The following CFAP161 variants were observed in gnomAD, a reference collection of about 807,000 sequenced individuals.
CFAP161 encodes cilia and flagella associated protein 161.
A neutral mutation model predicts 29.0 loss-of-function variants in CFAP161; 25 were observed. The observed-to-expected ratio is 0.86, with a 90% CI of 0.63 to 1.20. The LOEUF is 1.20. Ranked by LOEUF, CFAP161 falls within the 50% of genes most tolerant of loss-of-function variation. CFAP161 has a pLI of 0.00. For missense variants in CFAP161, 367 were observed against 371.9 expected (o/e 0.99, Z 0.11); for synonymous variants, 116 against 137.4 (o/e 0.84, Z 1.09).
rs568003648 is a variant in CFAP161, at chr15:81,123,096, A to C, written c.-141-4494A>C. On this transcript the variant is annotated intron_variant, in intron 1 of 4. Coordinates refer to the CFAP161 transcript ENST00000560091. ...TGTTGCAATTGCTTTTGGCATCTTCATCATGAAATCTTTGCCCATGCCAAT... is the reference window on the plus strand; with the variant it reads ...TGTTGCAATTGCTTTTGGCATCTTCCTCATGAAATCTTTGCCCATGCCAAT... 2.6e-5 allele frequency among the ~76,000 whole-genome samples: 4 copies of C among 152,220 alleles called. No homozygotes were observed. In the East Asian group the frequency reaches 7.7e-4, roughly 29 times the overall value.
intron 5 of CFAP161, among the ~76,000 whole-genome samples, chr15:81,145,354 G>T (rs1285463217): frequency 6.6e-6 from 1 of 152,196 alleles, no homozygotes; most frequent in Non-Finnish European, 1.5e-5. Flanking sequence ...TAAACTGCCA[G>T]TGCCTCAGTT....
intron 2 of CFAP161, 81 bp from the exon 3 acceptor site, chr15:81,136,435 C>A: frequency 7.9e-7 from 1 of 1,263,910 alleles, no homozygotes; most frequent in Non-Finnish European, 1.1e-6. Context: ...GGGTACTAGT[C>A]CGAGAAGGAA....
Position 81,142,263 on chromosome 15 carries a change from TC to T in CFAP161, c.478-1398del, listed in dbSNP as rs982441690. ...ACTAGACAGGGTGCTGCCAGGTTGATCTTTTTTTTTTAATTTTCATTTTAAT... is the reference window on the plus strand; with the variant it reads ...ACTAGACAGGGTGCTGCCAGGTTGATTTTTTTTTTTAATTTTCATTTTAAT... On this transcript the variant is annotated intron_variant, in intron 4 of 6. Transcript: ENST00000286732. Among the ~76,000 whole-genome samples the T allele has an allele frequency of 4.2e-4, 64 of 151,690 alleles. 2 individuals are homozygous for T. Among genetic ancestry groups the T allele is most frequent in the Admixed American group, 4.1e-3 (63 of 15,190 alleles).
rs12050841 is a variant in CFAP161, at chr15:81,142,283, T to C, written c.478-1379T>C. Among the ~76,000 whole-genome samples, 45 of 152,054 alleles carry C rather than the reference T, an allele frequency of 3.0e-4. No homozygotes were observed. In the East Asian group the frequency reaches 8.1e-3, roughly 27 times the overall value. ...GTTGATCTTTTTTTTTTAATTTTCA[T>C]TTTAATTTTTAAAATTTATTATTAT... On this transcript the variant is annotated intron_variant, in intron 4 of 6. Coordinates refer to ENST00000286732, the MANE Select transcript of CFAP161 (RefSeq NM_173528.4).
chr15:81,115,815 G>C (rs1040022054), intron 1 of CFAP161, among the ~76,000 whole-genome samples: 21 of 151,372 alleles, frequency 1.4e-4, no homozygotes, highest in Admixed American at 1.3e-3. Flanking sequence ...AAGTAGCTGG[G>C]ACTACAGCAG....
At chr15:81,143,940 C>A (rs946467496) in intron 5 of CFAP161, 120 bp downstream of exon 5, 66 of 1,124,678 alleles carry the variant, frequency 5.9e-5, no homozygotes, top group Non-Finnish European at 7.8e-5. Flanking sequence ...TCTTTTCTGT[C>A]TTTTTTTTTC....
chr15:81,125,977 C>T (rs1276001472), intron 1 of CFAP161, among the ~76,000 whole-genome samples: 2 of 152,164 alleles, frequency 1.3e-5, no homozygotes, highest in African/African-American at 2.4e-5. Context: ...TCAAGTGATT[C>T]TCTTGCCTCA....
intron 1 of CFAP161, among the ~76,000 whole-genome samples, chr15:81,122,484 TTTC>T: frequency 7.6e-6 from 1 of 131,704 alleles, no homozygotes; most frequent in South Asian, 2.4e-4. Flanking sequence ...TTTTTTTTTC[TTTC>T]TTTCTTTCTT....
intron 1 of CFAP161, among the ~76,000 whole-genome samples, chr15:81,107,305 G>T (rs1475449860): frequency 6.6e-6 from 1 of 152,194 alleles, no homozygotes; most frequent in East Asian, 1.9e-4. Context: ...CGTGAGTGAG[G>T]TTATTTCTCC....
intron 5 of CFAP161, among the ~76,000 whole-genome samples, chr15:81,146,559 C>A (rs114323943): frequency 6.6e-6 from 1 of 151,668 alleles, no homozygotes; most frequent in Admixed American, 6.6e-5. Flanking sequence ...TGTATTTCAT[C>A]CATCCATTAT....
chr15:81,107,075 A>T (rs917056167), intron 1 of CFAP161, among the ~76,000 whole-genome samples: 1 of 152,170 alleles, frequency 6.6e-6, no homozygotes, highest in East Asian at 1.9e-4. Flanking sequence ...ACCAACCAAA[A>T]CAAAAAACAA....
chr15:81,132,150 G>A (rs1197087437), upstream of CFAP161, among the ~76,000 whole-genome samples: 1 of 152,116 alleles, frequency 6.6e-6, no homozygotes, highest in Non-Finnish European at 1.5e-5. Flanking sequence ...GGTGGCACAT[G>A]CCTTTAGCCC....
chr15:81,104,844 A>C (rs1376354996), intron 1 of CFAP161, among the ~76,000 whole-genome samples: 1 of 152,160 alleles, frequency 6.6e-6, no homozygotes, highest in African/African-American at 2.4e-5. Context: ...TGCTATTTAT[A>C]TGGCATGTTG....
At chr15:81,147,954 A>C (rs1001788958) in intron 6 of CFAP161, 23 bp downstream of exon 6, 6 of 1,577,286 alleles carry the variant, frequency 3.8e-6, no homozygotes, top group Admixed American at 3.5e-5. Flanking sequence ...AGGGTACAAC[A>C]AAATGCTGTG....
intron 1 of CFAP161, among the ~76,000 whole-genome samples, chr15:81,109,741 T>G (rs1287174808): frequency 1.3e-5 from 2 of 152,182 alleles, no homozygotes; most frequent in African/African-American, 4.8e-5. Context: ...GAGATGTCTA[T>G]GATGTTGGTT....
At chr15:81,118,474 C>T in intron 1 of CFAP161, 1 of 182,712 alleles carries the variant, frequency 5.5e-6, no homozygotes, top group Non-Finnish European at 1.1e-5. Flanking sequence ...GCTTGTGGGA[C>T]CGGAGCGGGG....
At chr15:81,100,106 A>T (rs2141857189) in intron 1 of CFAP161, among the ~76,000 whole-genome samples, 3 of 151,610 alleles carry the variant, frequency 2.0e-5, no homozygotes, top group Middle Eastern at 6.8e-3. Context: ...AACTTCTTCC[A>T]CCTTCTCTGC....
chr15:81,136,810 G>T, intron 3 of CFAP161, 62 bp downstream of exon 3: 1 of 1,429,206 alleles, frequency 7.0e-7, no homozygotes, highest in Non-Finnish European at 9.8e-7. Flanking sequence ...GTAGCTTAAA[G>T]ATTCCTGGGT....
intron 1 of CFAP161, among the ~76,000 whole-genome samples, chr15:81,112,444 G>A (rs1050360638): frequency 2.0e-5 from 3 of 151,964 alleles, no homozygotes; most frequent in African/African-American, 2.4e-5. Flanking sequence ...ATCAAATAAT[G>A]AAAACAATAC....
Sources: gnomAD v4.1 joint callset for allele counts (sites outside exome capture counted in the v4.1 genomes callset) on GRCh38, gnomAD v4.1.1 for gene constraint, MANE v1.5 for transcripts, NCBI Gene and HGNC (gene_info 2026-07-23, HGNC 2026-07-21) for gene names.